Variants in NLGN4X observed in about 807,000 individuals in gnomAD.
The protein encoded by NLGN4X is neuroligin-4, X-linked.
NLGN4X carries 3 observed loss-of-function variants against 40.3 expected under a neutral mutation model. The observed-to-expected ratio is 0.07, with a 90% confidence interval of 0.03 to 0.19. NLGN4X has a LOEUF of 0.19. NLGN4X is among the 10% of genes least tolerant of loss of function. The pLI is 1.00. For missense variants in NLGN4X, 382 were observed against 708.3 expected, an observed-to-expected ratio of 0.54 and a Z score of 5.23; for synonymous variants, 270 against 306.8, an observed-to-expected ratio of 0.88 and a Z score of 1.25.
intron 2 of NLGN4X, among the ~76,000 whole-genome samples, chrX:6,114,687 T>G (rs1244948774): frequency 9.0e-6 from 1 of 111,648 alleles, no homozygotes; most frequent in Non-Finnish European, 1.9e-5. Flanking sequence ...GATTTTTTTC[T>G]TAATACATAC....
intron 2 of NLGN4X, among the ~76,000 whole-genome samples, chrX:6,041,562 C>T (rs1433355901): frequency 8.9e-6 from 1 of 111,864 alleles, no homozygotes; most frequent in Non-Finnish European, 1.9e-5. Context: ...TCCCAACCTT[C>T]CATTCGTAAA....
intron 3 of NLGN4X, among the ~76,000 whole-genome samples, chrX:5,912,918 G>A (rs865954376): frequency 6.8e-5 from 2 of 29,303 alleles, no homozygotes; most frequent in Non-Finnish European, 6.0e-5. Context: ...GAGGGAAGGA[G>A]GGAGGGAGGG....
intron 5 of NLGN4X, among the ~76,000 whole-genome samples, chrX:5,895,317 T>C (rs1048060337): frequency 1.8e-5 from 2 of 111,165 alleles, no homozygotes; most frequent in African/African-American, 6.5e-5. Context: ...GTGATGAAGG[T>C]TGAAAGATAA....
chrX:6,160,878 T>G (rs940728309), intron 1 of NLGN4X, among the ~76,000 whole-genome samples: 11 of 102,430 alleles, frequency 1.1e-4, no homozygotes, highest in African/African-American at 3.5e-4. Flanking sequence ...CTGCTATATA[T>G]AGAGAGAGAA....
chrX:6,192,517 G>C (rs990304384), intron 1 of NLGN4X, among the ~76,000 whole-genome samples: 4 of 111,698 alleles, frequency 3.6e-5, no homozygotes, highest in African/African-American at 1.3e-4. Context: ...GGTAATGAAT[G>C]AACCATCTAC....
chrX:6,154,290 A>C, intron 1 of NLGN4X, among the ~76,000 whole-genome samples: 1 of 112,404 alleles, frequency 8.9e-6, no homozygotes, highest in Non-Finnish European at 1.9e-5. Flanking sequence ...GTAAATGATT[A>C]AGTATCTGTA....
intron 3 of NLGN4X, among the ~76,000 whole-genome samples, chrX:5,931,892 A>G (rs1005881785): frequency 9.0e-6 from 1 of 111,583 alleles, no homozygotes; most frequent in Non-Finnish European, 1.9e-5. Flanking sequence ...GTGGTAATAG[A>G]AAGATGCTGG....
At chrX:5,904,393 T>C (rs899785311) in intron 4 of NLGN4X, among the ~76,000 whole-genome samples, 1 of 112,381 alleles carries the variant, frequency 8.9e-6, no homozygotes, top group African/African-American at 3.2e-5. Flanking sequence ...TTTCTACTTC[T>C]ACCTTGAGTC....
At chrX:5,952,729 C>T (rs2034355323) in intron 3 of NLGN4X, among the ~76,000 whole-genome samples, 1 of 111,147 alleles carries the variant, frequency 9.0e-6, no homozygotes, top group Admixed American at 9.6e-5. Flanking sequence ...ATCTGTAAGA[C>T]AGGCTGGCTG....
chrX:6,106,724 T>C (rs760405043), intron 2 of NLGN4X, among the ~76,000 whole-genome samples: 63 of 112,340 alleles, frequency 5.6e-4, no homozygotes, highest in African/African-American at 1.9e-3. Context: ...CATTTCTTTA[T>C]AGCATGGAAT....
At chrX:5,923,344 T>C (rs2033146957) in intron 3 of NLGN4X, among the ~76,000 whole-genome samples, 2 of 112,381 alleles carry the variant, frequency 1.8e-5, no homozygotes, top group Middle Eastern at 4.6e-3. Flanking sequence ...TTTCACCATG[T>C]TGCCCAGGCT....
At chrX:5,964,216 TCTC>T (rs2034751672) in intron 3 of NLGN4X, among the ~76,000 whole-genome samples, 1 of 111,305 alleles carries the variant, frequency 9.0e-6, no homozygotes, top group Admixed American at 9.6e-5. Flanking sequence ...TGAGAAGAAT[TCTC>T]CTCCTAAGAT....
intron 3 of NLGN4X, among the ~76,000 whole-genome samples, chrX:5,976,670 C>T (rs2035185951): frequency 9.1e-6 from 1 of 109,332 alleles, no homozygotes; most frequent in Middle Eastern, 4.6e-3. Context: ...CAGAGCACCT[C>T]CAATCTCAAC....
At chrX:6,178,324 C>T (rs1921033800) in intron 1 of NLGN4X, among the ~76,000 whole-genome samples, 1 of 111,864 alleles carries the variant, frequency 8.9e-6, no homozygotes, top group Non-Finnish European at 1.9e-5. Context: ...TGTTCACCCA[C>T]CGAGCTCTGA....
chrX:5,980,763 C>A (rs771152530), intron 3 of NLGN4X, among the ~76,000 whole-genome samples: 2 of 110,606 alleles, frequency 1.8e-5, no homozygotes, highest in South Asian at 7.7e-4. Flanking sequence ...GGTTTTACAT[C>A]TTTATGTCAA....
intron 3 of NLGN4X, among the ~76,000 whole-genome samples, chrX:5,911,924 C>A (rs968233530): frequency 4.5e-5 from 5 of 111,757 alleles, no homozygotes; most frequent in African/African-American, 1.6e-4. Flanking sequence ...AACTAAACCA[C>A]CTTTGTAAAA....
intron 2 of NLGN4X, among the ~76,000 whole-genome samples, chrX:6,144,098 G>T (rs1343786942): frequency 9.0e-6 from 1 of 111,397 alleles, no homozygotes; most frequent in Non-Finnish European, 1.9e-5. Flanking sequence ...CACAGTGCAA[G>T]ACCCCATTCA....
chrX:6,140,437 T>G (rs914693832), intron 2 of NLGN4X, among the ~76,000 whole-genome samples: 5 of 94,774 alleles, frequency 5.3e-5, no homozygotes, highest in Admixed American at 1.2e-4. Context: ...CCGGGTTTCC[T>G]TCAATAGCAT....
chrX:5,979,407 C>A (rs2035306050), intron 3 of NLGN4X, among the ~76,000 whole-genome samples: 1 of 110,294 alleles, frequency 9.1e-6, no homozygotes, highest in African/African-American at 3.3e-5. Flanking sequence ...GGTTTAACAA[C>A]AAAAAAATTG....
Sources: gnomAD v4.1 joint callset for allele counts (sites outside exome capture counted in the v4.1 genomes callset) on GRCh38, gnomAD v4.1.1 for gene constraint, MANE v1.5 for transcripts, NCBI Gene and HGNC (gene_info 2026-07-23, HGNC 2026-07-21) for gene names.